Variants in EPHB1 observed in about 807,000 individuals in gnomAD.
The protein encoded by EPHB1 is ephrin type-B receptor 1.
Under a neutral mutation model 94.4 loss-of-function variants are expected in EPHB1, and 30 were observed. The observed-to-expected ratio is 0.32, with a 90% CI of 0.24 to 0.43. The LOEUF (loss-of-function observed/expected upper bound fraction) is 0.43. Among genes scored for constraint, EPHB1 ranks in the 20% least tolerant of loss-of-function variants. The pLI is 1.00. For synonymous variants in EPHB1, 522 were observed against 489.1 expected, an observed-to-expected ratio of 1.07 and a Z score of -0.89; for missense variants, 1,055 against 1,308.3, an observed-to-expected ratio of 0.81 and a Z score of 2.99.
chr3:135,043,494 G>T (rs1936911835), intron 3 of EPHB1, among the ~76,000 whole-genome samples: 1 of 152,008 alleles, frequency 6.6e-6, no homozygotes, highest in Non-Finnish European at 1.5e-5. Flanking sequence ...CTGGAGTGAA[G>T]TCTCTCCCCA....
intron 1 of EPHB1, among the ~76,000 whole-genome samples, chr3:134,909,217 T>C (rs570596303): frequency 1.3e-5 from 2 of 151,116 alleles, no homozygotes; most frequent in South Asian, 2.1e-4. Context: ...AGGGATGCCA[T>C]GGAGAAAGGG....
chr3:134,855,716 G>A (rs1273448900), intron 1 of EPHB1, among the ~76,000 whole-genome samples: 1 of 152,066 alleles, frequency 6.6e-6, no homozygotes, highest in Non-Finnish European at 1.5e-5. Flanking sequence ...TTCCACCAAT[G>A]ATGCCATAGG....
At chr3:135,005,775 C>G (rs1479325987) in intron 3 of EPHB1, among the ~76,000 whole-genome samples, 1 of 152,248 alleles carries the variant, frequency 6.6e-6, no homozygotes, top group African/African-American at 2.4e-5. Context: ...TCCCTGACCC[C>G]TTGTGCTTCC....
chr3:135,183,180 TTTCCTTCCTCCCTTCC>T (rs1942226608), intron 10 of EPHB1, among the ~76,000 whole-genome samples: 1 of 145,722 alleles, frequency 6.9e-6, no homozygotes, highest in South Asian at 2.2e-4. Flanking sequence ...GAGCCCCTTC[TTTCCTTCCTCCCTTCC>T]TTCCTCCCTC....
chr3:135,237,261 G>A (rs769874594), intron 12 of EPHB1, among the ~76,000 whole-genome samples: 13 of 146,508 alleles, frequency 8.9e-5, no homozygotes, highest in South Asian at 2.2e-4. Flanking sequence ...ATATCTTCTC[G>A]TAGTTCACCA....
At chr3:134,817,240 C>T (rs2036289289) in intron 1 of EPHB1, among the ~76,000 whole-genome samples, 1 of 152,136 alleles carries the variant, frequency 6.6e-6, no homozygotes, top group Non-Finnish European at 1.5e-5. Context: ...CTCTGTGGCC[C>T]CAGGAATTGG....
At chr3:135,200,801 G>A (rs577828545) in intron 11 of EPHB1, among the ~76,000 whole-genome samples, 28 of 152,262 alleles carry the variant, frequency 1.8e-4, no homozygotes, top group Admixed American at 1.6e-3. Context: ...ATTTTGGGGG[G>A]GAGTTAAAGG....
chr3:135,138,271 A>G (rs1940693644), intron 5 of EPHB1, among the ~76,000 whole-genome samples: 1 of 152,176 alleles, frequency 6.6e-6, no homozygotes, highest in African/African-American at 2.4e-5. Flanking sequence ...ACAAGCCCCT[A>G]TAGTTTGTCC....
intron 13 of EPHB1, among the ~76,000 whole-genome samples, chr3:135,244,102 C>T (rs1020370550): frequency 3.3e-5 from 5 of 152,174 alleles, no homozygotes; most frequent in South Asian, 2.1e-4. Context: ...TTCCCAGAGG[C>T]GTTCTAGTCA....
intron 3 of EPHB1, among the ~76,000 whole-genome samples, chr3:134,990,358 A>AT (rs910026641): frequency 2.0e-5 from 3 of 152,092 alleles, no homozygotes; most frequent in Admixed American, 2.0e-4. Context: ...ATTTTAAGAA[A>AT]TTTTTTTATT....
At chr3:135,103,604 C>T (rs1331636647) in intron 3 of EPHB1, among the ~76,000 whole-genome samples, 3 of 152,208 alleles carry the variant, frequency 2.0e-5, no homozygotes, top group Non-Finnish European at 4.4e-5. Context: ...TTTTCATACA[C>T]CTTTTATGCA....
rs187819698 is a variant in EPHB1 at position 134,899,091 on chromosome 3, G to C, written c.59-26725G>C. Reference sequence around the variant, plus strand: ...CACTTTCTATTTTCTTATTTTCCCAGTGTGCTGGACTGTGGGGTGGAGGAG... The same window carrying C: ...CACTTTCTATTTTCTTATTTTCCCACTGTGCTGGACTGTGGGGTGGAGGAG... On this transcript the variant is annotated intron_variant, in intron 1 of 15. Transcript: ENST00000398015. Among the ~76,000 whole-genome samples the C allele has an allele frequency of 2.6e-5, 4 of 152,258 alleles. No homozygotes were observed. In the East Asian group the frequency reaches 7.7e-4, roughly 29 times the overall value.
intron 15 of EPHB1, 41 bp from the exon 16 acceptor site, chr3:135,258,971 C>A (rs771873722): frequency 6.7e-7 from 1 of 1,482,676 alleles, no homozygotes; most frequent in Non-Finnish European, 9.3e-7. Flanking sequence ...AAAAGCTAAC[C>A]TAACACTAAA....
At chr3:135,003,159 T>C (rs1291826153) in intron 3 of EPHB1, among the ~76,000 whole-genome samples, 2 of 150,620 alleles carry the variant, frequency 1.3e-5, no homozygotes, top group Non-Finnish European at 3.0e-5. Flanking sequence ...GTATGTTGTG[T>C]CTTTGTTCTC....
At chr3:135,024,733 G>T (rs1936088813) in intron 3 of EPHB1, among the ~76,000 whole-genome samples, 1 of 152,108 alleles carries the variant, frequency 6.6e-6, no homozygotes, top group African/African-American at 2.4e-5. Flanking sequence ...TCAGTTTCCT[G>T]ATCATCTCCC....
chr3:134,904,240 G>A (rs1293211654), intron 1 of EPHB1, among the ~76,000 whole-genome samples: 1 of 152,186 alleles, frequency 6.6e-6, no homozygotes. Context: ...TCTGATTATC[G>A]CAACACATCG....
At position 135,152,096 on chromosome 3, in the gene EPHB1, G is replaced by A. The variant is rs575165874; in HGVS notation, c.1298-2056G>A. On this transcript the variant is annotated intron_variant, in intron 5 of 15. Coordinates refer to ENST00000398015, the MANE Select transcript of EPHB1 (RefSeq NM_004441.5). ...GCCTAAGGAGAATTTAGGGAACATG[G>A]TCTCATTTGGAAAAGAGCCATCTTG... 3.9e-5 allele frequency among the ~76,000 whole-genome samples: 6 copies of A among 152,278 alleles called. No homozygotes were observed. In the South Asian group the frequency reaches 1.2e-3, roughly 32 times the overall value.
At chr3:135,101,127 A>G (rs1939021264) in intron 3 of EPHB1, among the ~76,000 whole-genome samples, 1 of 152,194 alleles carries the variant, frequency 6.6e-6, no homozygotes, top group African/African-American at 2.4e-5. Context: ...ACCTTGTCCC[A>G]TTGACAAAGG....
chr3:135,048,972 C>T (rs2107770111), intron 3 of EPHB1, among the ~76,000 whole-genome samples: 1 of 152,172 alleles, frequency 6.6e-6, no homozygotes, highest in East Asian at 1.9e-4. Flanking sequence ...GTGGATGCTT[C>T]CTTACAGCCT....
Sources: gnomAD v4.1 joint callset for allele counts (sites outside exome capture counted in the v4.1 genomes callset) on GRCh38, gnomAD v4.1.1 for gene constraint, MANE v1.5 for transcripts, NCBI Gene and HGNC (gene_info 2026-07-23, HGNC 2026-07-21) for gene names.